Variants in TGM6 observed in about 807,000 individuals in gnomAD.
TGM6 encodes the protein transglutaminase 6, also known as protein-glutamine gamma-glutamyltransferase 6.
In TGM6, 74 loss-of-function variants were observed where a neutral mutation model predicts 77.5. The ratio of observed to expected loss-of-function variants is 0.96; its 90% confidence interval spans 0.79 to 1.16. The LOEUF is 1.16. TGM6 is among the 50% of genes most tolerant of loss of function. The probability of loss-of-function intolerance (pLI) is 0.00; values close to 1 mark genes in which losing one functional copy is unlikely to be tolerated. For synonymous variants in TGM6, 383 were observed against 378.9 expected (o/e 1.01, Z -0.12); for missense variants, 968 against 940.2 (o/e 1.03, Z -0.39).
chr20:2,384,044 T>C (rs961716340), intron 1 of TGM6, among the ~76,000 whole-genome samples: 18 of 150,274 alleles, frequency 1.2e-4, no homozygotes, highest in African/African-American at 4.2e-4. Context: ...GAGGCGGAGC[T>C]TGCAGTGAGC....
intron 4 of TGM6, 122 bp from the exon 5 acceptor site, chr20:2,397,796 G>A (rs781564953): frequency 2.6e-6 from 4 of 1,511,162 alleles, no homozygotes; most frequent in Non-Finnish European, 3.7e-6. Flanking sequence ...TGCCCCTGGT[G>A]GTTGGAGGGG....
intron 7 of TGM6, among the ~76,000 whole-genome samples, 197 bp downstream of exon 7, chr20:2,400,641 G>A (rs2084702144): frequency 6.7e-6 from 1 of 149,718 alleles, no homozygotes; most frequent in Non-Finnish European, 1.5e-5. Context: ...GAGGTCAAGA[G>A]ATGTAGACTC....
intron 12 of TGM6, 76 bp downstream of exon 12, chr20:2,431,103 G>C: frequency 6.3e-7 from 1 of 1,589,622 alleles, no homozygotes; most frequent in Non-Finnish European, 8.6e-7. Context: ...AGTTGCCAGG[G>C]ATGGGGGTGT....
intron 12 of TGM6, 105 bp downstream of exon 12, chr20:2,431,132 C>T: frequency 6.8e-7 from 1 of 1,460,892 alleles, no homozygotes; most frequent in Non-Finnish European, 9.3e-7. Context: ...TTCTGGACAC[C>T]CCAGGAACCA....
intron 9 of TGM6, among the ~76,000 whole-genome samples, chr20:2,411,939 A>C (rs906718101): frequency 1.9e-4 from 29 of 152,330 alleles, no homozygotes; most frequent in African/African-American, 6.5e-4. Flanking sequence ...ATATGCCCAA[A>C]AGAATTGAAA....
chr20:2,389,597 T>C (rs777507576), intron 1 of TGM6, among the ~76,000 whole-genome samples: 1 of 152,200 alleles, frequency 6.6e-6, no homozygotes, highest in Non-Finnish European at 1.5e-5. Flanking sequence ...AACCTGAAAT[T>C]GAATTGACAC....
chr20:2,385,836 C>T (rs2084591298), intron 1 of TGM6, among the ~76,000 whole-genome samples: 1 of 152,164 alleles, frequency 6.6e-6, no homozygotes, highest in South Asian at 2.1e-4. Flanking sequence ...TCACTGAGCA[C>T]CTAATATGCC....
intron 9 of TGM6, among the ~76,000 whole-genome samples, chr20:2,413,362 T>C (rs953791817): frequency 2.0e-5 from 3 of 152,126 alleles, no homozygotes; most frequent in African/African-American, 4.8e-5. Flanking sequence ...TGAGCCATGA[T>C]TGCACCACTG....
chr20:2,399,972 G>A (rs1031864337), intron 6 of TGM6, among the ~76,000 whole-genome samples: 1 of 152,120 alleles, frequency 6.6e-6, no homozygotes, highest in Non-Finnish European at 1.5e-5. Context: ...AGTGCCTTGG[G>A]CGAGCCCTGC....
At chr20:2,400,564 G>A (rs1211968209) in intron 7 of TGM6, 120 bp downstream of exon 7, 5 of 1,468,516 alleles carry the variant, frequency 3.4e-6, no homozygotes, top group Non-Finnish European at 4.7e-6. Context: ...TCCTGAATCT[G>A]AGCCGGCTCT....
intron 1 of TGM6, among the ~76,000 whole-genome samples, chr20:2,386,811 G>C (rs375337133): frequency 2.0e-5 from 3 of 146,380 alleles, no homozygotes; most frequent in Non-Finnish European, 3.1e-5. Context: ...GGCAGGGAAG[G>C]GGGGAAACCA....
In TGM6 at chr20:2,417,237, C is replaced by T. The variant is rs147979536; in HGVS notation, c.1342C>T (p.Arg448Trp). 0.018 allele frequency: 28,323 copies of T among 1,599,648 alleles called. 301 individuals carry two copies. Among genetic ancestry groups the T allele is most frequent in the Non-Finnish European group, 0.02 (23,299 of 1,173,268 alleles). ...CGTTGTGTGATGCCCTGCAGGGTCC[C>T]GGAAAGAGAGGCAGGTGTACAGCAA... is the stretch of plus-strand genomic sequence containing the variant. ...TDLYKYPEGS[R>W]KERQVYSKAV... Residue 448 changes from arginine to tryptophan, a missense_variant, in exon 10 of 13, where the codon CGG becomes TGG. Physicochemically the swap from Arg to Trp is moderately radical, Grantham distance 101. Transcript: ENST00000202625.
At chr20:2,417,197 G>T (rs774077797) in intron 9 of TGM6, 35 bp from the exon 10 acceptor site, 17 of 1,553,022 alleles carry the variant, frequency 1.1e-5, no homozygotes, top group Non-Finnish European at 1.3e-5. Context: ...GGAGCAAGGG[G>T]GTGCCTGCCG....
intron 1 of TGM6, among the ~76,000 whole-genome samples, chr20:2,391,352 G>A (rs560882007): frequency 1.3e-5 from 2 of 152,256 alleles, no homozygotes; most frequent in South Asian, 2.1e-4. Flanking sequence ...GCCGAGGCAG[G>A]AACATCTCAG....
chr20:2,423,987 C>A (rs1217114987), intron 10 of TGM6, among the ~76,000 whole-genome samples: 1 of 152,182 alleles, frequency 6.6e-6, no homozygotes, highest in Non-Finnish European at 1.5e-5. Flanking sequence ...CAGTAGGTCT[C>A]AACAGTTGGC....
chr20:2,401,606 CTA>C (rs2084709902), intron 7 of TGM6, among the ~76,000 whole-genome samples: 2 of 152,288 alleles, frequency 1.3e-5, no homozygotes, highest in South Asian at 2.1e-4. Flanking sequence ...GTTCTAAGTG[CTA>C]TATATAGATT....
chr20:2,415,053 A>G (rs2084806683), intron 9 of TGM6, among the ~76,000 whole-genome samples: 1 of 152,146 alleles, frequency 6.6e-6, no homozygotes, highest in East Asian at 1.9e-4. Context: ...GTGTTATGGA[A>G]TTATATCTCA....
At chr20:2,394,200 A>G (rs1319103090) in intron 1 of TGM6, among the ~76,000 whole-genome samples, 2 of 152,198 alleles carry the variant, frequency 1.3e-5, no homozygotes, top group African/African-American at 4.8e-5. Context: ...AGGCTGAGGC[A>G]CAAGAATTGC....
chr20:2,411,195 T>TGTGAAAGCAAAAATCAACA (rs1480864920), intron 9 of TGM6, among the ~76,000 whole-genome samples: 1 of 152,148 alleles, frequency 6.6e-6, no homozygotes, highest in Admixed American at 6.5e-5. Context: ...CCCTTATGAA[T>TGTGAAAGCAAAAATCAACA]GTGAAAGCAA....
Sources: gnomAD v4.1 joint callset for allele counts (sites outside exome capture counted in the v4.1 genomes callset) on GRCh38, gnomAD v4.1.1 for gene constraint, MANE v1.5 for transcripts, NCBI Gene and HGNC (gene_info 2026-07-23, HGNC 2026-07-21) for gene names.